The following FSIP2 variants were observed in gnomAD, a reference collection of about 807,000 sequenced individuals.
FSIP2 encodes fibrous sheath interacting protein 2.
FSIP2 carries 367 observed loss-of-function variants against 510.5 expected under a neutral mutation model. The observed-to-expected ratio is 0.72, with a 90% CI of 0.66 to 0.78. The LOEUF (loss-of-function observed/expected upper bound fraction) is 0.78. Among genes scored for constraint, FSIP2 ranks in the 30% least tolerant of loss-of-function variants. The probability of loss-of-function intolerance (pLI) is 0.00; values close to 1 mark genes in which losing one functional copy is unlikely to be tolerated. For missense variants in FSIP2, 7,594 were observed against 7,901.7 expected (o/e 0.96, Z 1.48); for synonymous variants, 2,601 against 2,732.2 (o/e 0.95, Z 1.50).
chr2:185,779,571 AT>A (rs1319074181), intron 13 of FSIP2, among the ~76,000 whole-genome samples: 1 of 152,152 alleles, frequency 6.6e-6, no homozygotes, highest in Admixed American at 6.5e-5. Flanking sequence ...AAAAGTTAAA[AT>A]TGGATAATTT....
Position 185,789,655 on chromosome 2 carries a change from A to C in FSIP2, c.2519A>C (p.Asn840Thr). ...ATGACTCTTGTTTCTTTTAAGCAAA[A>C]TGAATTTCTTCATCTTAAAGACACA... ...KLMTLVSFKQ[N>T]EFLHLKDTNK... is the part of the protein sequence containing the mutation. Residue 840 changes from asparagine to threonine, a missense_variant, in exon 16 of 23, where the codon AAT (asparagine) becomes ACT (threonine). Asn to Thr is a moderately conservative substitution (Grantham distance 65, BLOSUM62 0). Transcript: ENST00000424728. The C allele has an allele frequency of 6.5e-7, 1 of 1,534,180 alleles. No individual in the cohort carries two copies. Among genetic ancestry groups the C allele is most frequent in the Middle Eastern group, 1.7e-4 (1 of 5,984 alleles).
chr2:185,824,555 G>C lies in FSIP2; in HGVS notation c.20473+75G>C, dbSNP rs534752279. The C allele has an allele frequency of 4.9e-5, 42 of 852,938 alleles. 1 individual carries two copies. The African/African-American group carries it at 6.3e-4, about 13-fold the overall frequency. 52.8% of individuals were successfully genotyped at this position (852,938 alleles called of 1,614,324 possible). ...TGTTTTTTTTTTAGTTATCAAACTT[G>C]AAGTTAATACAGGTTTTATGTTTTC... On this transcript the variant is annotated intron_variant, in intron 20 of 22. Coordinates refer to ENST00000424728, the MANE Select transcript of FSIP2 (RefSeq NM_173651.4).
In FSIP2 at chr2:185,831,565, GA is replaced by G. The variant is rs1290238558; in HGVS notation, c.20518-247del. 2.6e-5 allele frequency among the ~76,000 whole-genome samples: 4 copies of G among 151,986 alleles called. No homozygotes were observed. The East Asian group carries it at 7.8e-4, about 30-fold the overall frequency. On this transcript the variant is annotated intron_variant, in intron 21 of 22. Transcript: ENST00000424728. ...CATGAGTTAATATGGCTGAACCATT[GA>G]CCCTCACTTAGTGCTAGCCAAAGTC...
At position 185,782,729 on chromosome 2, in the gene FSIP2, CG is replaced by C. The variant is rs1692878936; in HGVS notation, c.1439del (p.Gly480ValfsTer24). The C allele has an allele frequency of 6.6e-7, 1 of 1,515,170 alleles. No individual in the cohort carries two copies. Among genetic ancestry groups the C allele is most frequent in the Non-Finnish European group, 8.9e-7 (1 of 1,127,872 alleles). 93.9% of individuals were successfully genotyped at this position (1,515,170 alleles called of 1,614,324 possible). On this transcript the variant is annotated frameshift_variant, in exon 14 of 23. Transcript: ENST00000424728. LOFTEE classifies it high-confidence loss of function. ...GGACCTCAGGCTCATGCTACAGACCCGGGTATATTTTCTTCTCCTGTTTACA... is the reference window on the plus strand; with the variant it reads ...GGACCTCAGGCTCATGCTACAGACCCGGTATATTTTCTTCTCCTGTTTACA... ...ESGPQAHATD[P>X]GIFSSPVYTN...
At chr2:185,760,111 T>G (rs1037456368) in intron 9 of FSIP2, among the ~76,000 whole-genome samples, 3 of 150,946 alleles carry the variant, frequency 2.0e-5, no homozygotes, top group Admixed American at 6.6e-5. Flanking sequence ...AATTCTATTT[T>G]GCTGATTTGT....
chr2:185,811,395 G>C (rs1043759799), intron 17 of FSIP2, among the ~76,000 whole-genome samples: 3 of 151,516 alleles, frequency 2.0e-5, no homozygotes, highest in Non-Finnish European at 4.4e-5. Flanking sequence ...CTTGAACCTG[G>C]GAGGCAGAGG....
intron 13 of FSIP2, among the ~76,000 whole-genome samples, chr2:185,773,497 G>T (rs1237353003): frequency 6.6e-6 from 1 of 152,134 alleles, no homozygotes; most frequent in Non-Finnish European, 1.5e-5. Context: ...ATATTTTCCT[G>T]CAGGTTACTG....
chr2:185,739,239 G>C (rs1691870516), intron 1 of FSIP2, 107 bp from the exon 2 acceptor site: 1 of 1,278,274 alleles, frequency 7.8e-7, no homozygotes, highest in Non-Finnish European at 1.0e-6. Flanking sequence ...CCCGAACCCT[G>C]ATTGTATAAT....
At position 185,799,863 on chromosome 2, in the gene FSIP2, A is replaced by AAAGGG; in HGVS notation, c.10558_10562dup (p.Glu3523ValfsTer75). 1 of 1,533,596 alleles carries AAAGGG rather than the reference A, an allele frequency of 6.5e-7. No individual in the cohort carries two copies. The highest frequency in any genetic ancestry group is 8.7e-7 in the Non-Finnish European group (1 of 1,145,372). The allele number at this position is 1,533,596 out of a possible 1,614,324, so 95.0% of individuals were successfully genotyped here. ...CTTCGAGCATTTCTGATGGCACCAA[A>AAAGGG]AAGGGTAGAGAAAAAGAGAAAGCAT... On this transcript the variant is annotated frameshift_variant, in exon 17 of 23. Transcript: ENST00000424728. LOFTEE classifies it high-confidence loss of function.
Position 185,801,366 on chromosome 2 carries a change from T to A in FSIP2, c.12060T>A (p.Asn4020Lys). ...FVNNVVNEFN[N>K]AQVTVLRNAE... The stretch of plus-strand genomic sequence containing the variant: ...ACAATGTAGTGAATGAATTTAATAA[T>A]GCTCAAGTCACTGTTCTACGGAATG... Residue 4020 changes from asparagine to lysine, a missense_variant, in exon 17 of 23, where the codon AAT becomes AAA. Asn to Lys is a moderately conservative substitution (Grantham distance 94). Coordinates refer to ENST00000424728, the MANE Select transcript of FSIP2 (RefSeq NM_173651.4). 3 of 1,534,160 alleles carry A rather than the reference T, an allele frequency of 2.0e-6. No individual in the cohort carries two copies. Among genetic ancestry groups the A allele is most frequent in the Non-Finnish European group, 2.6e-6 (3 of 1,145,596 alleles).
intron 5 of FSIP2, 149 bp downstream of exon 5, chr2:185,745,717 T>A: frequency 2.8e-6 from 2 of 714,412 alleles, no homozygotes; most frequent in Non-Finnish European, 4.1e-6. Context: ...AACCAAGAGG[T>A]GGAAGAATTT....
At chr2:185,767,841 A>G (rs1259610651) in intron 13 of FSIP2, among the ~76,000 whole-genome samples, 2 of 152,166 alleles carry the variant, frequency 1.3e-5, no homozygotes, top group African/African-American at 2.4e-5. Flanking sequence ...TCTCTTCAAC[A>G]TACTGAAAAC....
At chr2:185,780,781 G>A (rs1261715530) in intron 13 of FSIP2, among the ~76,000 whole-genome samples, 3 of 151,928 alleles carry the variant, frequency 2.0e-5, no homozygotes, top group Non-Finnish European at 4.4e-5. Context: ...TTTATTGTTG[G>A]GGATTCAATA....
In FSIP2 at chr2:185,806,379, A is replaced by G. The variant is rs1468351172; in HGVS notation, c.17073A>G (p.Leu5691=). Residue 5691 remains leucine, a synonymous_variant, in exon 17 of 23, where the codon CTA becomes CTG. Coordinates refer to ENST00000424728, the MANE Select transcript of FSIP2 (RefSeq NM_173651.4). ...ATATTTTTGAAGATGTTTTAGAACT[A>G]TCTTCTTCTCCAGAACCAGCATATT... The part of the protein sequence containing the change: ...IENIFEDVLE[L]SSSPEPAYYS... 2 of 1,611,408 alleles carry G rather than the reference A, an allele frequency of 1.2e-6. No individual in the cohort carries two copies. Among genetic ancestry groups the G allele is most frequent in the Non-Finnish European group, 1.7e-6 (2 of 1,178,574 alleles).
chr2:185,825,578 A>G (rs1355202380), intron 20 of FSIP2, among the ~76,000 whole-genome samples: 1 of 151,828 alleles, frequency 6.6e-6, no homozygotes, highest in Non-Finnish European at 1.5e-5. Context: ...GACTCTACAT[A>G]AAAACAAAAG....
chr2:185,807,654 CAT>C lies in FSIP2; in HGVS notation c.18350_18351del (p.Ile6117SerfsTer2), dbSNP rs753104330. On this transcript the variant is annotated frameshift_variant, in exon 17 of 23. Coordinates refer to ENST00000424728, the MANE Select transcript of FSIP2 (RefSeq NM_173651.4). LOFTEE classifies it high-confidence loss of function. ...GTGGATGCAAAATCCTTTCAGAAAACATAGTTGACTTGGTTCTACGAGAAGTG... is the reference window on the plus strand; with the variant it reads ...GTGGATGCAAAATCCTTTCAGAAAACAGTTGACTTGGTTCTACGAGAAGTG... The part of the protein sequence containing the change: ...TSGCKILSEN[I>X]VDLVLREVAS... 1 of 1,612,936 alleles carries C rather than the reference CAT, an allele frequency of 6.2e-7. No homozygotes were observed. The highest frequency in any genetic ancestry group is 1.7e-5 in the Admixed American group (1 of 59,890).
rs1693546628 is a variant in FSIP2 at position 185,805,577 on chromosome 2, A to G, written c.16271A>G (p.Gln5424Arg). The change falls in exon 17 of 23, where the codon CAA (glutamine) becomes CGA (arginine). Residue 5424 changes from glutamine to arginine, a missense_variant. By Grantham distance (43) the Gln-to-Arg change is conservative. Coordinates refer to ENST00000424728, the MANE Select transcript of FSIP2 (RefSeq NM_173651.4). Reference protein sequence around the residue: ...NITQRVQHLPQNTFTQISRCA... With the variant: ...NITQRVQHLPRNTFTQISRCA... ...ACCCAAAGGGTTCAACACCTACCAC[A>G]AAACACCTTTACACAAATAAGCAGA... is the stretch of plus-strand genomic sequence containing the variant. The G allele has an allele frequency of 6.2e-7, 1 of 1,610,232 alleles. No individual in the cohort carries two copies. Among genetic ancestry groups the G allele is most frequent in the East Asian group, 2.2e-5 (1 of 44,792 alleles).
chr2:185,806,119 G>A lies in FSIP2; in HGVS notation c.16813G>A (p.Glu5605Lys). 1 of 1,574,324 alleles carries A rather than the reference G, an allele frequency of 6.4e-7. No homozygotes were observed. Among genetic ancestry groups the A allele is most frequent in the Non-Finnish European group, 8.6e-7 (1 of 1,167,388 alleles). The part of the protein sequence containing the change: ...YEKEVLGSDS[E>K]IGYKKKIDNA... ...GAAGGAAGTACTTGGATCAGATTCT[G>A]AAATAGGCTATAAAAAGAAGATTGA... The change falls in exon 17 of 23, where the codon GAA (glutamate) becomes AAA (lysine). Residue 5605 changes from glutamate to lysine, a missense_variant. Glu to Lys is a moderately conservative substitution (Grantham distance 56). Coordinates refer to ENST00000424728, the MANE Select transcript of FSIP2 (RefSeq NM_173651.4).
At chr2:185,831,726 A>G (rs978740821) in intron 21 of FSIP2, 87 bp from the exon 22 acceptor site, 7 of 794,412 alleles carry the variant, frequency 8.8e-6, no homozygotes, top group African/African-American at 6.7e-5. Context: ...ATTTATAGGT[A>G]TATCTAGTGG....
Sources: allele counts gnomAD v4.1 joint callset (sites outside exome capture counted in the v4.1 genomes callset), GRCh38; gene constraint gnomAD v4.1.1; transcripts MANE v1.5; gene names NCBI Gene and HGNC (gene_info 2026-07-23, HGNC 2026-07-21).